Variants in PDE11A observed in about 807,000 individuals in gnomAD.
The protein encoded by PDE11A is phosphodiesterase 11A.
Under a neutral mutation model 100.5 loss-of-function variants are expected in PDE11A, and 100 were observed. That is an observed-to-expected ratio of 1.00 (90% CI 0.85 to 1.18). The LOEUF is 1.18. Ranked by LOEUF, PDE11A falls within the 50% of genes most tolerant of loss-of-function variation. The pLI is 0.00. For synonymous variants in PDE11A, 381 were observed against 420.8 expected (o/e 0.91, Z 1.16); for missense variants, 1,141 against 1,152.6 (o/e 0.99, Z 0.15).
chr2:178,056,697 C>T (rs185607099), intron 1 of PDE11A, among the ~76,000 whole-genome samples: 4 of 151,990 alleles, frequency 2.6e-5, no homozygotes, highest in Admixed American at 1.3e-4. Flanking sequence ...TCACAGGCCA[C>T]ATGGAAGTAA....
rs774772971 is a variant in PDE11A, at chr2:177,629,518, T to C, written c.2691A>G (p.Ser897=). ...VNVKLKPMLD[S]VATNRSKWEE... ...CCCACTTACTTCTGTTTGTAGCTAC[T>C]GAATCTAGCATCGGCTTCAGTTTCA... Residue 897 remains serine (S), a synonymous_variant, in exon 20 of 20, where the codon TCA becomes TCG. Coordinates refer to ENST00000286063, the MANE Select transcript of PDE11A (RefSeq NM_016953.4). The C allele has an allele frequency of 5.0e-6, 8 of 1,603,678 alleles. No homozygotes were observed. Among genetic ancestry groups the C allele is most frequent in the Admixed American group, 3.4e-5 (2 of 59,650 alleles).
chr2:178,030,325 A>G (rs2086529527), intron 1 of PDE11A, among the ~76,000 whole-genome samples: 1 of 152,176 alleles, frequency 6.6e-6, no homozygotes, highest in Admixed American at 6.5e-5. Flanking sequence ...TTATCCAAAA[A>G]ATCTTTCAAA....
intron 12 of PDE11A, among the ~76,000 whole-genome samples, chr2:177,724,082 T>C (rs2081566818): frequency 6.6e-6 from 1 of 152,166 alleles, no homozygotes; most frequent in South Asian, 2.1e-4. Context: ...CTTCCTCATT[T>C]TAACCACAAA....
At chr2:178,062,831 T>A (rs1389334961) in intron 1 of PDE11A, among the ~76,000 whole-genome samples, 1 of 152,170 alleles carries the variant, frequency 6.6e-6, no homozygotes, top group Non-Finnish European at 1.5e-5. Flanking sequence ...AAAAGTATCA[T>A]CATTTCCAAA....
intron 5 of PDE11A, among the ~76,000 whole-genome samples, chr2:177,843,673 G>GCAAGGCAGGGAGAGT (rs2083528219): frequency 1.3e-5 from 2 of 152,198 alleles, no homozygotes; most frequent in African/African-American, 4.8e-5. Flanking sequence ...TTGACTCTGT[G>GCAAGGCAGGGAGAGT]CAAGGCAGGG....
At chr2:177,779,022 G>T (rs567483557) in intron 9 of PDE11A, among the ~76,000 whole-genome samples, 17 of 152,144 alleles carry the variant, frequency 1.1e-4, no homozygotes, top group African/African-American at 4.1e-4. Context: ...TAAAATACAG[G>T]CATACCTCAG....
In PDE11A at chr2:177,710,482, G is replaced by A. The variant is rs75842156; in HGVS notation, c.2153+1287C>T. ...AGAAAGACTGGCAGCGAGTTCTAGC[G>A]TCCAGCCAAGTGGGAGGAATATATA... On this transcript the variant is annotated intron_variant, in intron 13 of 19. Transcript: ENST00000286063. Among the ~76,000 whole-genome samples the A allele has an allele frequency of 3.4e-3, 518 of 152,266 alleles. 4 individuals carry two copies. The East Asian group carries it at 0.043, about 13-fold the overall frequency.
chr2:177,967,381 A>G (rs559281499), intron 2 of PDE11A, among the ~76,000 whole-genome samples: 2 of 151,850 alleles, frequency 1.3e-5, no homozygotes, highest in African/African-American at 4.8e-5. Flanking sequence ...TAGTTTTAGT[A>G]GAGACAAGGT....
rs2081016643 is a variant in PDE11A, at chr2:177,689,831, AAGGCCCC to A, written c.2345+7494_2345+7500del. On this transcript the variant is annotated intron_variant, in intron 15 of 19. Coordinates refer to ENST00000286063, the MANE Select transcript of PDE11A (RefSeq NM_016953.4). ...AAAATGGCAGAAGATTAGAGACCACAAGGCCCCAGCAGTCAGTTCATTCAAACCACAA... is the reference window on the plus strand; with the variant it reads ...AAAATGGCAGAAGATTAGAGACCACAAGCAGTCAGTTCATTCAAACCACAA... 2.0e-5 allele frequency among the ~76,000 whole-genome samples: 3 copies of A among 152,216 alleles called. No homozygotes were observed. The South Asian group carries it at 6.2e-4, about 32-fold the overall frequency.
intron 19 of PDE11A, among the ~76,000 whole-genome samples, chr2:177,652,335 A>C (rs767271935): frequency 1.3e-4 from 20 of 152,214 alleles, no homozygotes; most frequent in Non-Finnish European, 2.2e-4. Context: ...CAGAGTCCTC[A>C]AGTAAGACTA....
intron 5 of PDE11A, among the ~76,000 whole-genome samples, chr2:177,852,610 C>CA (rs1574216181): frequency 1.3e-5 from 2 of 152,064 alleles, no homozygotes; most frequent in East Asian, 3.9e-4. Flanking sequence ...CAGTGGGACT[C>CA]AAAGCTAGGA....
At chr2:177,754,781 G>A (rs986171478) in intron 10 of PDE11A, among the ~76,000 whole-genome samples, 1 of 152,226 alleles carries the variant, frequency 6.6e-6, no homozygotes, top group African/African-American at 2.4e-5. Context: ...TTGGATACAA[G>A]TAACTGCTTT....
chr2:177,853,664 ATATATATATATATAT>A (rs2083762320), intron 5 of PDE11A, among the ~76,000 whole-genome samples: 1 of 31,714 alleles, frequency 3.2e-5, no homozygotes, highest in African/African-American at 1.0e-4. Flanking sequence ...ATATATATAT[ATATATATATATATAT>A]ATGTGTGTGT....
intron 1 of PDE11A, among the ~76,000 whole-genome samples, chr2:178,029,259 A>G (rs1236404129): frequency 1.3e-5 from 2 of 152,198 alleles, no homozygotes; most frequent in African/African-American, 2.4e-5. Flanking sequence ...GTTTGAAATC[A>G]CCATGTCAAA....
chr2:178,078,799 T>C (rs528857468), intron 2 of PDE11A, among the ~76,000 whole-genome samples: 2 of 152,328 alleles, frequency 1.3e-5, no homozygotes, highest in African/African-American at 2.4e-5. Flanking sequence ...TGAATCTTCA[T>C]AAACGTAACT....
intron 15 of PDE11A, among the ~76,000 whole-genome samples, chr2:177,692,390 C>A (rs369352982): frequency 6.6e-6 from 1 of 152,056 alleles, no homozygotes. Context: ...TGAGTGATTC[C>A]TTTTTTTATA....
chr2:177,834,519 C>A (rs1364253722), intron 6 of PDE11A, among the ~76,000 whole-genome samples: 1 of 152,218 alleles, frequency 6.6e-6, no homozygotes, highest in African/African-American at 2.4e-5. Flanking sequence ...ACAGGACAGA[C>A]AGGTGAGCAG....
At chr2:177,653,209 C>T (rs2080334761) in intron 19 of PDE11A, among the ~76,000 whole-genome samples, 1 of 152,184 alleles carries the variant, frequency 6.6e-6, no homozygotes, top group African/African-American at 2.4e-5. Context: ...ACTCCAGGTG[C>T]AGAGTCGTAG....
chr2:178,002,676 C>T (rs1288814900), intron 2 of PDE11A, among the ~76,000 whole-genome samples: 1 of 151,860 alleles, frequency 6.6e-6, no homozygotes, highest in Non-Finnish European at 1.5e-5. Flanking sequence ...AAAAATTATG[C>T]CAGTTACAAA....
Sources: gnomAD v4.1 joint callset for allele counts (sites outside exome capture counted in the v4.1 genomes callset) on GRCh38, gnomAD v4.1.1 for gene constraint, MANE v1.5 for transcripts, NCBI Gene and HGNC (gene_info 2026-07-23, HGNC 2026-07-21) for gene names.